SEC24C: variants seen among roughly 807,000 people sequenced by gnomAD.
SEC24C encodes the protein SEC24 homolog C, COPII component.
A neutral mutation model predicts 117.0 loss-of-function variants in SEC24C; 22 were observed. The ratio of observed to expected loss-of-function variants is 0.19; its 90% CI spans 0.13 to 0.27. The LOEUF (loss-of-function observed/expected upper bound fraction) is 0.27. SEC24C is among the 10% of genes least tolerant of loss of function. The pLI, the probability that SEC24C is intolerant of heterozygous loss-of-function variation, is 1.00. For synonymous variants in SEC24C, 506 were observed against 529.4 expected (o/e 0.96, Z 0.61); for missense variants, 1,155 against 1,375.1 (o/e 0.84, Z 2.53).
In SEC24C at chr10:73,762,131, A is replaced by C. The variant is rs1054102835; in HGVS notation, c.987+1282A>C. The C allele has an allele frequency of 3.1e-6, 4 of 1,289,812 alleles. No homozygotes were observed. In the Admixed American group the frequency reaches 9.2e-5, roughly 30 times the overall value. The allele number at this position is 1,289,812 out of a possible 1,614,324, so 79.9% of individuals were successfully genotyped here. A position where few individuals can be genotyped will look rare whatever the true frequency, so the allele number is the denominator to read the frequency against. On this transcript the variant is annotated intron_variant, in intron 6 of 22. Coordinates refer to ENST00000345254, the MANE Select transcript of SEC24C (RefSeq NM_198597.3). ...TGAGCTGCCTCCTCAGCAGAAAACC[A>C]GGCACAGAATAGACCCCGATGCCAT...
Position 73,746,986 on chromosome 10 carries a change from C to T in SEC24C, c.154C>T (p.Gln52Ter). The T allele has an allele frequency of 6.2e-7, 1 of 1,612,234 alleles. No homozygotes were observed. Among genetic ancestry groups the T allele is most frequent in the Non-Finnish European group, 8.5e-7 (1 of 1,179,298 alleles). ...CTACAATGGCCCAGTACCAGGCTAT[C>T]AGCAAACACCTCCCCAAGGTATGTT... The part of the protein sequence containing the change: ...GAYNGPVPGY[Q>*]QTPPQGMSRA... The change falls in exon 2 of 23, where the codon CAG becomes TAG. Residue 52 changes from glutamine (Q) to a stop codon, truncating the protein, a stop_gained. Transcript: ENST00000345254. LOFTEE classifies it high-confidence loss of function.
intron 3 of SEC24C, among the ~76,000 whole-genome samples, chr10:73,757,067 C>A (rs556400737): frequency 6.7e-6 from 1 of 149,680 alleles, no homozygotes; most frequent in South Asian, 2.1e-4. Flanking sequence ...TGCACTACCA[C>A]GCCTGGGCTA....
chr10:73,771,333 C>T lies in SEC24C; in HGVS notation c.*238C>T. 1 of 530,510 alleles carries T rather than the reference C, an allele frequency of 1.9e-6. No individual in the cohort carries two copies. Among genetic ancestry groups the T allele is most frequent in the Non-Finnish European group, 3.3e-6 (1 of 298,920 alleles). The allele number at this position is 530,510 out of a possible 1,614,324, so 32.9% of individuals were successfully genotyped here. The stretch of plus-strand genomic sequence containing the variant: ...ACCCTCTTTTTCCTGCTAATCCTGT[C>T]ATAATGAATGTAGCTTCTCAGTTCA... On this transcript the variant is annotated 3_prime_UTR_variant, in exon 23 of 23. Coordinates refer to ENST00000345254, the MANE Select transcript of SEC24C (RefSeq NM_198597.3).
At position 73,766,363 on chromosome 10, in the gene SEC24C, G is replaced by A; in HGVS notation, c.1621G>A (p.Glu541Lys). ...LDFLPREGGA[E>K]ESAIRVGFVT... ...CACCTTCTACAGGGAGGGTGGGGCA[G>A]AAGAGTCAGCAATCCGCGTTGGCTT... The change falls in exon 12 of 23, where the codon GAA (glutamate) becomes AAA (lysine). Residue 541 changes from glutamate to lysine, a missense_variant. By Grantham distance (56) the Glu-to-Lys change is moderately conservative. Coordinates refer to ENST00000345254, the MANE Select transcript of SEC24C (RefSeq NM_198597.3). 1 of 1,606,306 alleles carries A rather than the reference G, an allele frequency of 6.2e-7. No homozygotes were observed. Among genetic ancestry groups the A allele is most frequent in the Non-Finnish European group, 8.5e-7 (1 of 1,174,704 alleles).
In SEC24C at chr10:73,769,191, A is replaced by G. The variant is rs756941455; in HGVS notation, c.2424+39A>G. 1 of 1,610,032 alleles carries G rather than the reference A, an allele frequency of 6.2e-7. No individual in the cohort carries two copies. Among genetic ancestry groups the G allele is most frequent in the African/African-American group, 1.3e-5 (1 of 74,876 alleles). ...GGCGGGGCTGGGCAGGAAGTGTTTC[A>G]TTCGCTTGGTATAGAAGAGGGTGAG... On this transcript the variant is annotated intron_variant, in intron 17 of 22. Transcript: ENST00000345254. This position sits in a 1 kb window ranked among gnomAD's most constrained non-coding sequence, Gnocchi z 4.5.
intron 3 of SEC24C, among the ~76,000 whole-genome samples, chr10:73,756,201 T>C (rs1182855120): frequency 4.6e-5 from 7 of 152,150 alleles, no homozygotes; most frequent in African/African-American, 1.7e-4. Context: ...TGGAGCTGCC[T>C]GTAGATTGGG....
At chr10:73,764,594 C>T (rs1214752653) in intron 8 of SEC24C, among the ~76,000 whole-genome samples, 3 of 151,868 alleles carry the variant, frequency 2.0e-5, no homozygotes, top group Admixed American at 1.3e-4. Flanking sequence ...AGGAACCTCT[C>T]GTATCATGGT....
intron 3 of SEC24C, among the ~76,000 whole-genome samples, chr10:73,753,448 T>A (rs963620225): frequency 3.9e-5 from 6 of 152,124 alleles, no homozygotes; most frequent in Non-Finnish European, 8.8e-5. Context: ...GGTGAGAAGA[T>A]TGCTTCAGCC....
chr10:73,770,045 T>G (rs1204046425), intron 20 of SEC24C, 30 bp downstream of exon 20: 1 of 1,604,440 alleles, frequency 6.2e-7, no homozygotes, highest in East Asian at 2.2e-5. Context: ...TATGAGATCT[T>G]GCACGGAGCA....
At position 73,751,263 on chromosome 10, in the gene SEC24C, A is replaced by G. The variant is rs778276553; in HGVS notation, c.308+20A>G. The G allele has an allele frequency of 1.2e-6, 2 of 1,606,006 alleles. No individual in the cohort carries two copies. The highest frequency in any genetic ancestry group is 2.2e-5 in the South Asian group (2 of 90,628). On this transcript the variant is annotated intron_variant, in intron 3 of 22. Coordinates refer to ENST00000345254, the MANE Select transcript of SEC24C (RefSeq NM_198597.3). ...GCAAAGGTAGGTACTTGGTCAATCT[A>G]AAATTGGTCTGATGAGGCTGAGTGC...
At chr10:73,767,679 A>C (rs1334786437) in intron 14 of SEC24C, among the ~76,000 whole-genome samples, 158 bp from the exon 15 acceptor site, 1 of 152,178 alleles carries the variant, frequency 6.6e-6, no homozygotes, top group Non-Finnish European at 1.5e-5. Context: ...AAAAAATAAA[A>C]ATAATATAAA....
Position 73,766,813 on chromosome 10 carries a change from T to C in SEC24C, c.1853T>C (p.Val618Ala). ...MFADTRETET[V>A]FVPVIQAGME... ...GCAGACACAAGGGAAACAGAGACAG[T>C]ATTTGTACCAGTTATCCAGGCTGGA... Residue 618 changes from valine (V) to alanine (A), a missense_variant, in exon 13 of 23, where the codon GTA becomes GCA. Physicochemically the swap from Val to Ala is moderately conservative, Grantham distance 64 (BLOSUM62 0). This residue lies in a region of SEC24C where 759 missense variants were observed against 992.3 expected (regional missense o/e 0.76). Coordinates refer to ENST00000345254, the MANE Select transcript of SEC24C (RefSeq NM_198597.3). The C allele has an allele frequency of 6.2e-7, 1 of 1,614,228 alleles. No homozygotes were observed. The highest frequency in any genetic ancestry group is 8.5e-7 in the Non-Finnish European group (1 of 1,180,028).
chr10:73,765,031 G>C (rs2082859743), intron 8 of SEC24C, among the ~76,000 whole-genome samples: 1 of 152,184 alleles, frequency 6.6e-6, no homozygotes, highest in Non-Finnish European at 1.5e-5. Context: ...CAGGGATACG[G>C]GAGGAGGTGT....
chr10:73,769,195 G>A lies in SEC24C; in HGVS notation c.2424+43G>A, dbSNP rs368030204. The A allele has an allele frequency of 8.7e-6, 14 of 1,608,636 alleles. No homozygotes were observed. Among genetic ancestry groups the A allele is most frequent in the African/African-American group, 6.7e-5 (5 of 74,840 alleles). On this transcript the variant is annotated intron_variant, in intron 17 of 22. Transcript: ENST00000345254. The surrounding 1 kb of genome is among the most constrained non-coding windows in gnomAD (Gnocchi z 4.5). ...GGGCTGGGCAGGAAGTGTTTCATTC[G>A]CTTGGTATAGAAGAGGGTGAGGAAT...
In SEC24C at chr10:73,759,704, CCGA is replaced by C; in HGVS notation, c.393_395del (p.Thr132del). The C allele has an allele frequency of 6.2e-7, 1 of 1,609,366 alleles. No individual in the cohort carries two copies. The highest frequency in any genetic ancestry group is 1.3e-5 in the African/African-American group (1 of 74,910). On this transcript the variant is annotated inframe_deletion, in exon 4 of 23. Transcript: ENST00000345254. ...TGTGCTTCAGCCCTATGGCCCTCCCCCGACAAGTGCACAGGTGGCTACGCAGCT... is the reference window on the plus strand; with the variant it reads ...TGTGCTTCAGCCCTATGGCCCTCCCCCAAGTGCACAGGTGGCTACGCAGCT...
At chr10:73,747,151 C>A in intron 2 of SEC24C, 147 bp downstream of exon 2, 1 of 575,746 alleles carries the variant, frequency 1.7e-6, no homozygotes, top group Non-Finnish European at 2.7e-6. Context: ...AGCTGAGAGC[C>A]CCGTGGGCGC....
Position 73,746,887 on chromosome 10 carries a change from A to T in SEC24C, c.55A>T (p.Ile19Phe). The change falls in exon 2 of 23, where the codon ATC (isoleucine) becomes TTC (phenylalanine). Residue 19 changes from isoleucine to phenylalanine, a missense_variant. Around this residue, in one of 2 missense-constraint regions of SEC24C, gnomAD observed 396 missense variants for 382.8 expected, o/e 1.03. Coordinates refer to ENST00000345254, the MANE Select transcript of SEC24C (RefSeq NM_198597.3). Reference protein sequence around the residue: ...PVPPFGQPQPIYPGYHQSSYG... With the variant: ...PVPPFGQPQPFYPGYHQSSYG... ...GCCACCATTTGGGCAGCCCCAGCCC[A>T]TCTACCCAGGGTATCATCAGTCCAG... 1.2e-6 allele frequency: 2 copies of T among 1,613,718 alleles called. No individual in the cohort carries two copies. Among genetic ancestry groups the T allele is most frequent in the African/African-American group, 2.7e-5 (2 of 75,064 alleles).
chr10:73,763,052 T>C (rs2082821536), intron 6 of SEC24C, among the ~76,000 whole-genome samples: 1 of 152,140 alleles, frequency 6.6e-6, no homozygotes, highest in South Asian at 2.1e-4. Context: ...CATTTTTACG[T>C]GGTTACTGTT....
At chr10:73,760,440 G>A in intron 5 of SEC24C, 54 bp downstream of exon 5, 4 of 1,503,604 alleles carry the variant, frequency 2.7e-6, no homozygotes. Context: ...CTACTCAGGT[G>A]GTTTTTGATG....
Sources: allele counts gnomAD v4.1 joint callset (sites outside exome capture counted in the v4.1 genomes callset), GRCh38; gene constraint gnomAD v4.1.1; regional missense constraint gnomAD v4.1.1; non-coding constraint Gnocchi (gnomAD v3.1); transcripts MANE v1.5; gene names NCBI Gene and HGNC (gene_info 2026-07-23, HGNC 2026-07-21).